Variants in CAMKK2 observed in about 807,000 individuals in gnomAD.
CAMKK2 encodes calcium/calmodulin-dependent protein kinase kinase 2.
In CAMKK2, 30 loss-of-function variants were observed where a neutral mutation model predicts 67.2. The ratio of observed to expected loss-of-function variants is 0.45; its 90% confidence interval spans 0.33 to 0.61. CAMKK2 has a LOEUF of 0.61. CAMKK2 is among the 20% of genes least tolerant of loss of function. The pLI is 0.02. For synonymous variants in CAMKK2, 322 were observed against 326.2 expected (o/e 0.99, Z 0.14); for missense variants, 643 against 802.0 (o/e 0.80, Z 2.39).
intron 6 of CAMKK2, 32 bp from the exon 7 acceptor site, chr12:121,260,387 C>T (rs200684418): frequency 8.1e-6 from 13 of 1,605,350 alleles, no homozygotes; most frequent in East Asian, 4.5e-5. Flanking sequence ...AGGCAGGAGA[C>T]GGATGGCGGG....
intron 1 of CAMKK2, among the ~76,000 whole-genome samples, chr12:121,293,347 A>G (rs1194168397): frequency 6.6e-6 from 1 of 152,174 alleles, no homozygotes; most frequent in African/African-American, 2.4e-5. Context: ...GAAAATCTGA[A>G]ATAGCATTTG....
At chr12:121,248,919 G>A (rs539015527) in intron 13 of CAMKK2, among the ~76,000 whole-genome samples, 185 bp from the exon 14 acceptor site, 2 of 152,358 alleles carry the variant, frequency 1.3e-5, no homozygotes, top group South Asian at 4.1e-4. Context: ...CGGAGAGACA[G>A]GACGGGAGGA....
At chr12:121,248,871 A>G in intron 13 of CAMKK2, 137 bp from the exon 14 acceptor site, 1 of 973,628 alleles carries the variant, frequency 1.0e-6, no homozygotes, top group African/African-American at 1.6e-5. Flanking sequence ...GCTGGCGAGC[A>G]GAGGGCAGGG....
At chr12:121,282,075 C>T (rs553617286) in intron 1 of CAMKK2, among the ~76,000 whole-genome samples, 1 of 152,064 alleles carries the variant, frequency 6.6e-6, no homozygotes, top group Non-Finnish European at 1.5e-5. Flanking sequence ...AAAGAAGGCC[C>T]CTCTTGGTGA....
Position 121,260,329 on chromosome 12 carries a change from A to G in CAMKK2, c.786T>C (p.His262=). Reference sequence around the variant, plus strand: ...AAAGGGCTTCCTTACCCATGTACAGATGGTCCTCATTGGGGTCATCCAGGA... The same window carrying G: ...AAAGGGCTTCCTTACCCATGTACAGGTGGTCCTCATTGGGGTCATCCAGGA... ...VEVLDDPNED[H]LYMVFELVNQ... The change falls in exon 7 of 17, where the codon CAT becomes CAC. Residue 262 remains histidine, a synonymous_variant. Coordinates refer to ENST00000404169, the MANE Select transcript of CAMKK2 (RefSeq NM_001270485.2). 2 of 1,611,044 alleles carry G rather than the reference A, an allele frequency of 1.2e-6. No individual in the cohort carries two copies. The highest frequency in any genetic ancestry group is 1.1e-5 in the South Asian group (1 of 89,998).
intron 5 of CAMKK2, among the ~76,000 whole-genome samples, chr12:121,265,365 T>TG (rs111377653): frequency 0.28 from 42,517 of 150,222 alleles, 6,272 homozygotes; most frequent in Admixed American, 0.37. Flanking sequence ...GGGAAAGTGG[T>TG]AGTGTGTGTC....
intron 1 of CAMKK2, among the ~76,000 whole-genome samples, chr12:121,280,054 C>G (rs928777370): frequency 1.3e-5 from 2 of 152,242 alleles, no homozygotes; most frequent in African/African-American, 4.8e-5. Context: ...CTCCGAGGAT[C>G]CTGCCAAGGC....
intron 5 of CAMKK2, among the ~76,000 whole-genome samples, chr12:121,266,685 G>A (rs1173480156): frequency 1.3e-5 from 2 of 151,932 alleles, no homozygotes; most frequent in East Asian, 1.9e-4. Flanking sequence ...GTAGAGACAG[G>A]GTTTCACCAT....
intron 7 of CAMKK2, among the ~76,000 whole-genome samples, chr12:121,258,584 C>A (rs928986048): frequency 8.5e-5 from 13 of 152,316 alleles, no homozygotes; most frequent in African/African-American, 3.1e-4. Flanking sequence ...CCCTGTCTGT[C>A]TCAGTCTCAC....
chr12:121,260,975 A>T (rs1893333266), intron 6 of CAMKK2, among the ~76,000 whole-genome samples: 1 of 150,866 alleles, frequency 6.6e-6, no homozygotes, highest in Admixed American at 6.6e-5. Context: ...AAAAGAATCC[A>T]ACCCAGCTCC....
chr12:121,263,056 C>T (rs1893790639), intron 6 of CAMKK2, among the ~76,000 whole-genome samples: 1 of 152,012 alleles, frequency 6.6e-6, no homozygotes, highest in South Asian at 2.1e-4. Context: ...GCAACCTCTG[C>T]CTCCCCAGTT....
chr12:121,259,666 AT>A lies in CAMKK2; in HGVS notation c.796+652del, dbSNP rs201192781. Among the ~76,000 whole-genome samples, 1,480 of 152,244 alleles carry A rather than the reference AT, an allele frequency of 9.7e-3. 25 individuals are homozygous for A. The highest frequency in any genetic ancestry group is 0.034 in the African/African-American group (1,400 of 41,528). ...TTTCTTTAAATTGACTCAGTTTTTAATTTTTTAGCCTTGTCCTAGATGATAA... is the reference window on the plus strand; with the variant it reads ...TTTCTTTAAATTGACTCAGTTTTTAATTTTTAGCCTTGTCCTAGATGATAA... On this transcript the variant is annotated intron_variant, in intron 7 of 16. Transcript: ENST00000404169.
chr12:121,239,189 A>G lies in CAMKK2; in HGVS notation c.*1510T>C, dbSNP rs201778294. On this transcript the variant is annotated 3_prime_UTR_variant, in exon 17 of 17. Transcript: ENST00000404169. ...CACCACAGCTGATCAGATGGAAACA[A>G]TGGGGAAGCAGAGTTTCCCGGTGCC... is the stretch of plus-strand genomic sequence containing the variant. The G allele has an allele frequency of 6.6e-6, 1 of 152,292 alleles. No individual in the cohort carries two copies. Among genetic ancestry groups the G allele is most frequent in the South Asian group, 2.1e-4 (1 of 4,824 alleles). 9.4% of individuals were successfully genotyped at this position (152,292 alleles called of 1,614,324 possible). A position where few individuals can be genotyped will look rare whatever the true frequency, so the allele number is the denominator to read the frequency against.
At position 121,255,344 on chromosome 12, in the gene CAMKK2, A is replaced by ATATATATAATTATATATAATTT. The variant is rs1416407103; in HGVS notation, c.907+205_907+206insAAATTATATATAATTATATATA. On this transcript the variant is annotated intron_variant, in intron 9 of 16. Coordinates refer to ENST00000404169, the MANE Select transcript of CAMKK2 (RefSeq NM_001270485.2). ...TATATATATAATTATATATAATTTTATATATATAATTATATATATAATTTT... is the reference window on the plus strand; with the variant it reads ...TATATATATAATTATATATAATTTTATATATATAATTATATATAATTTTATATATAATTATATATATAATTTT... Among the ~76,000 whole-genome samples, 40 of 9,800 alleles carry ATATATATAATTATATATAATTT rather than the reference A, an allele frequency of 4.1e-3. 13 individuals are homozygous for ATATATATAATTATATATAATTT. The highest frequency in any genetic ancestry group is 0.014 in the African/African-American group (38 of 2,736). 6.4% of individuals were successfully genotyped at this position (9,800 alleles called of 152,430 possible). A position where few individuals can be genotyped will look rare whatever the true frequency, so the allele number is the denominator to read the frequency against.
intron 1 of CAMKK2, among the ~76,000 whole-genome samples, chr12:121,278,967 T>C (rs1897268010): frequency 6.6e-6 from 1 of 152,176 alleles, no homozygotes; most frequent in Non-Finnish European, 1.5e-5. Flanking sequence ...TCCCCTATCC[T>C]AGAGCTGCCT....
chr12:121,250,886 A>G (rs1890581608), intron 11 of CAMKK2, among the ~76,000 whole-genome samples: 1 of 152,268 alleles, frequency 6.6e-6, no homozygotes, highest in East Asian at 1.9e-4. Context: ...ATTTTACAGA[A>G]GAGAAAAACA....
rs974549274 is a variant in CAMKK2 at position 121,240,481 on chromosome 12, TCCAG to T, written c.*214_*217del. On this transcript the variant is annotated 3_prime_UTR_variant, in exon 17 of 17. Coordinates refer to ENST00000404169, the MANE Select transcript of CAMKK2 (RefSeq NM_001270485.2). This position sits in a 1 kb window ranked among gnomAD's most constrained non-coding sequence, Gnocchi z 4.4. ...GTCTGCAACTCCTCACACCCGCCTG[TCCAG>T]CCAGCCAGCGGCCACGGTCGACGTC... The T allele has an allele frequency of 3.9e-6, 6 of 1,535,134 alleles. No individual in the cohort carries two copies. The highest frequency in any genetic ancestry group is 3.9e-5 in the Admixed American group (2 of 50,886).
rs1208911655 is a variant in CAMKK2 at position 121,240,244 on chromosome 12, A to G, written c.*455T>C. 3.2e-6 allele frequency: 2 copies of G among 615,620 alleles called. No individual in the cohort carries two copies. Among genetic ancestry groups the G allele is most frequent in the East Asian group, 2.8e-5 (1 of 36,184 alleles). 38.1% of individuals were successfully genotyped at this position (615,620 alleles called of 1,614,324 possible). A position where few individuals can be genotyped will look rare whatever the true frequency, so the allele number is the denominator to read the frequency against. On this transcript the variant is annotated 3_prime_UTR_variant, in exon 17 of 17. Coordinates refer to ENST00000404169, the MANE Select transcript of CAMKK2 (RefSeq NM_001270485.2). The surrounding 1 kb of genome is among the most constrained non-coding windows in gnomAD (Gnocchi z 4.4). ...GGTGCCATGGTTTCCGGTTTGCACT[A>G]GGAGCCACATCTAGCCCCCTACTCC... is the stretch of plus-strand genomic sequence containing the variant.
Position 121,274,242 on chromosome 12 carries a change from G to T in CAMKK2, c.285C>A (p.Ser95=). The change falls in exon 2 of 17, where the codon TCC becomes TCA. Residue 95 remains serine, a synonymous_variant. Coordinates refer to ENST00000404169, the MANE Select transcript of CAMKK2 (RefSeq NM_001270485.2). ...TSGSQARPHL[S]GRKLSLQERS... is the part of the protein sequence containing the mutation. ...GCTCTTGCAGAGACAGCTTGCGACC[G>T]GAGAGGTGGGGCCGGGCCTGGGACC... 1 of 1,610,106 alleles carries T rather than the reference G, an allele frequency of 6.2e-7. No homozygotes were observed. The highest frequency in any genetic ancestry group is 2.2e-5 in the East Asian group (1 of 44,776).
Sources: allele counts gnomAD v4.1 joint callset (sites outside exome capture counted in the v4.1 genomes callset), GRCh38; gene constraint gnomAD v4.1.1; non-coding constraint Gnocchi (gnomAD v3.1); transcripts MANE v1.5; gene names NCBI Gene and HGNC (gene_info 2026-07-23, HGNC 2026-07-21).